CHDH: variants seen among roughly 807,000 people sequenced by gnomAD.
CHDH encodes choline dehydrogenase, mitochondrial.
CHDH carries 43 observed loss-of-function variants against 56.9 expected under a neutral mutation model. The ratio of observed to expected loss-of-function variants is 0.76; its 90% CI spans 0.59 to 0.97. The LOEUF (loss-of-function observed/expected upper bound fraction) is 0.97, where lower values mean the gene tolerates loss of function less well. Ranked by LOEUF, CHDH falls within the 50% of genes least tolerant of loss-of-function variation. The pLI, the probability that CHDH is intolerant of heterozygous loss-of-function variation, is 0.00. For synonymous variants in CHDH, 364 were observed against 348.5 expected (o/e 1.04, Z -0.50); for missense variants, 816 against 821.1 (o/e 0.99, Z 0.08).
chr3:53,820,583 G>T lies in CHDH; in HGVS notation c.1011C>A (p.His337Gln), dbSNP rs757116821. ...ATGCCTGCTGAATGTAGATCTCCAG[G>T]TGGTCTTGCAGGTTCTGGCCAACCC... ...LPGVGQNLQD[H>Q]LEIYIQQACT... Residue 337 changes from histidine to glutamine, a missense_variant, in exon 6 of 9, where the codon CAC (histidine) becomes CAA (glutamine). Physicochemically the swap from His to Gln is conservative, Grantham distance 24. Coordinates refer to ENST00000315251, the MANE Select transcript of CHDH (RefSeq NM_018397.5). The T allele has an allele frequency of 1.2e-6, 2 of 1,613,800 alleles. No individual in the cohort carries two copies. Among genetic ancestry groups the T allele is most frequent in the Non-Finnish European group, 1.7e-6 (2 of 1,179,854 alleles).
intron 5 of CHDH, 94 bp from the exon 6 acceptor site, chr3:53,820,702 C>G: frequency 1.4e-6 from 2 of 1,472,388 alleles, no homozygotes; most frequent in South Asian, 1.3e-5. Context: ...TTTCCTATTC[C>G]CTTATCTTCT....
At position 53,826,914 on chromosome 3, in the gene CHDH, A is replaced by T. The variant is rs1221835276; in HGVS notation, c.-59-2847T>A. The stretch of plus-strand genomic sequence containing the variant: ...CAAGGTTTCAGGATATAAGGTTAAT[A>T]TATAAAAGCCAATTGCTTGCCTATA... On this transcript the variant is annotated intron_variant, in intron 2 of 8. Coordinates refer to ENST00000315251, the MANE Select transcript of CHDH (RefSeq NM_018397.5). 3.9e-5 allele frequency among the ~76,000 whole-genome samples: 6 copies of T among 152,374 alleles called. No individual in the cohort carries two copies. In the East Asian group the frequency reaches 1.2e-3, roughly 29 times the overall value.
rs2095621720 is a variant in CHDH, at chr3:53,819,374, G to A, written c.1263+158C>T. Among the ~76,000 whole-genome samples the A allele has an allele frequency of 6.6e-6, 1 of 152,174 alleles. No individual in the cohort carries two copies. The highest frequency in any genetic ancestry group is 6.5e-5 in the Admixed American group (1 of 15,278). ...ACCATTGGCATGCACCACGCAGACT[G>A]ACACGCTGGGCAGCTGGAAGGCAGG... is the stretch of plus-strand genomic sequence containing the variant. On this transcript the variant is annotated intron_variant, in intron 7 of 8. Transcript: ENST00000315251. This position sits in a 1 kb window ranked among gnomAD's most constrained non-coding sequence, Gnocchi z 5.4.
chr3:53,828,828 G>A (rs1195756234), intron 2 of CHDH, among the ~76,000 whole-genome samples: 1 of 152,206 alleles, frequency 6.6e-6, no homozygotes, highest in Non-Finnish European at 1.5e-5. Context: ...CACTTTGGAA[G>A]ACAGTTTGGT....
intron 2 of CHDH, among the ~76,000 whole-genome samples, chr3:53,840,243 T>C (rs1698628832): frequency 6.6e-6 from 1 of 152,144 alleles, no homozygotes; most frequent in East Asian, 1.9e-4. Flanking sequence ...ACGGTAAATA[T>C]TTAAGGGTGG....
intron 2 of CHDH, among the ~76,000 whole-genome samples, chr3:53,836,384 G>A (rs1321516229): frequency 6.6e-6 from 1 of 152,188 alleles, no homozygotes; most frequent in African/African-American, 2.4e-5. Flanking sequence ...ATCGCTCCCT[G>A]GGATCCAGGT....
intron 2 of CHDH, among the ~76,000 whole-genome samples, chr3:53,831,774 T>G (rs1393931191): frequency 1.3e-5 from 2 of 152,112 alleles, no homozygotes; most frequent in African/African-American, 2.4e-5. Flanking sequence ...AATAAACACA[T>G]GAAAAGATGC....
chr3:53,834,076 G>A (rs1386741770), intron 2 of CHDH, among the ~76,000 whole-genome samples: 1 of 152,192 alleles, frequency 6.6e-6, no homozygotes, highest in Non-Finnish European at 1.5e-5. Flanking sequence ...CGTCCTACTG[G>A]TTATGGCTGG....
At position 53,838,523 on chromosome 3, in the gene CHDH, G is replaced by A. The variant is rs114628701; in HGVS notation, c.-60+2406C>T. 7.3e-3 allele frequency among the ~76,000 whole-genome samples: 1,119 copies of A among 152,306 alleles called. 11 individuals carry two copies. The highest frequency in any genetic ancestry group is 0.013 in the Non-Finnish European group (855 of 68,020). On this transcript the variant is annotated intron_variant, in intron 2 of 8. Transcript: ENST00000315251. The stretch of plus-strand genomic sequence containing the variant: ...CCCGGAGCACAGCCAGAGGCAGACC[G>A]AGGGGATAGAAGGCGCTGGTGTCCC...
At chr3:53,824,958 T>TACC (rs1199762631) in intron 2 of CHDH, among the ~76,000 whole-genome samples, 2 of 152,194 alleles carry the variant, frequency 1.3e-5, no homozygotes, top group Non-Finnish European at 2.9e-5. Context: ...AACAGCAGCC[T>TACC]ACCACTGGAG....
chr3:53,837,907 A>G (rs532226056), intron 2 of CHDH, among the ~76,000 whole-genome samples: 14 of 151,422 alleles, frequency 9.2e-5, no homozygotes, highest in South Asian at 4.2e-4. Flanking sequence ...AAAATACAAA[A>G]ATTAGCCGGG....
chr3:53,824,926 T>G (rs1367330827), intron 2 of CHDH, among the ~76,000 whole-genome samples: 1 of 152,178 alleles, frequency 6.6e-6, no homozygotes, highest in Non-Finnish European at 1.5e-5. Flanking sequence ...TCACCACCCC[T>G]TCCACAAGCC....
intron 2 of CHDH, among the ~76,000 whole-genome samples, chr3:53,832,845 T>C (rs1223809215): frequency 2.0e-5 from 3 of 152,118 alleles, no homozygotes; most frequent in African/African-American, 7.2e-5. Flanking sequence ...GCAAAAAAAA[T>C]TGGAAACGGA....
chr3:53,840,234 C>T (rs534494511), intron 2 of CHDH, among the ~76,000 whole-genome samples: 58 of 152,124 alleles, frequency 3.8e-4, no homozygotes, highest in East Asian at 7.7e-4. Context: ...CTATTTCTAA[C>T]GGTAAATATT....
At position 53,816,113 on chromosome 3, in the gene CHDH, C is replaced by A. The variant is rs2095615263; in HGVS notation, c.*1664G>T. 3 of 146,310 alleles carry A rather than the reference C, an allele frequency of 2.1e-5. No homozygotes were observed. The highest frequency in any genetic ancestry group is 2.1e-4 in the East Asian group (1 of 4,862). The allele number at this position is 146,310 out of a possible 1,614,324, so 9.1% of individuals were successfully genotyped here. A position where few individuals can be genotyped will look rare whatever the true frequency, so the allele number is the denominator to read the frequency against. ...TCTCTCGAAGGTTTTTCTCAGAAAA[C>A]TAACTTGTGGCTGTCGGACGCCCCC... On this transcript the variant is annotated 3_prime_UTR_variant, in exon 9 of 9. Coordinates refer to ENST00000315251, the MANE Select transcript of CHDH (RefSeq NM_018397.5).
intron 2 of CHDH, among the ~76,000 whole-genome samples, chr3:53,833,264 T>C (rs1198463869): frequency 2.6e-5 from 4 of 152,132 alleles, no homozygotes; most frequent in African/African-American, 9.7e-5. Context: ...GGCAGGTCAT[T>C]TACTCTTCCG....
At chr3:53,838,911 C>T (rs1021324361) in intron 2 of CHDH, among the ~76,000 whole-genome samples, 8 of 152,134 alleles carry the variant, frequency 5.3e-5, no homozygotes, top group African/African-American at 1.2e-4. Context: ...CACTTTTGTC[C>T]ACCCCTTGGA....
At position 53,819,055 on chromosome 3, in the gene CHDH, AG is replaced by A; in HGVS notation, c.1264-16del. ...CCCACATGTACCTAGAAGAACACAG[AG>A]GAAGCAGTGACGGTCCCTCCATAGA... On this transcript the variant is annotated splice_polypyrimidine_tract_variant and intron_variant, in intron 7 of 8. Coordinates refer to ENST00000315251, the MANE Select transcript of CHDH (RefSeq NM_018397.5). The surrounding 1 kb of genome is among the most constrained non-coding windows in gnomAD (Gnocchi z 5.4). The A allele has an allele frequency of 6.4e-7, 1 of 1,573,282 alleles. No individual in the cohort carries two copies.
chr3:53,823,259 T>C (rs768966555), intron 3 of CHDH, 47 bp downstream of exon 3: 16 of 1,429,702 alleles, frequency 1.1e-5, no homozygotes, highest in Admixed American at 2.7e-5. Context: ...GGGTGGGGGC[T>C]GGGGTAGGGG....
Sources: allele counts gnomAD v4.1 joint callset (sites outside exome capture counted in the v4.1 genomes callset), GRCh38; gene constraint gnomAD v4.1.1; non-coding constraint Gnocchi (gnomAD v3.1); transcripts MANE v1.5; gene names NCBI Gene and HGNC (gene_info 2026-07-23, HGNC 2026-07-21).